ADGRL2: variants seen among roughly 807,000 people sequenced by gnomAD.
The protein encoded by ADGRL2 is calcium-independent alpha-latrotoxin receptor 2.
Under a neutral mutation model 157.4 loss-of-function variants are expected in ADGRL2, and 44 were observed. That is an observed-to-expected ratio of 0.28 (90% CI 0.22 to 0.36). The LOEUF is 0.36. Among genes scored for constraint, ADGRL2 ranks in the 10% least tolerant of loss-of-function variants. ADGRL2 has a pLI of 1.00. For synonymous variants in ADGRL2, 585 were observed against 624.7 expected (o/e 0.94, Z 0.95); for missense variants, 1,510 against 1,768.9 (o/e 0.85, Z 2.63).
intron 3 of ADGRL2, among the ~76,000 whole-genome samples, chr1:81,637,046 G>A (rs1355187948): frequency 1.3e-5 from 2 of 152,126 alleles, no homozygotes; most frequent in Non-Finnish European, 2.9e-5. Context: ...ATGTTGGCCA[G>A]TTTGATTGGT....
At position 81,631,455 on chromosome 1, in the gene ADGRL2, A is replaced by G. The variant is rs565994738; in HGVS notation, c.-143+50475A>G. Reference sequence around the variant, plus strand: ...TGGTCTGGAACTCCTGACCTCAAGTAATCCGCCTCCCAAAGTGCTGGGATT... The same window carrying G: ...TGGTCTGGAACTCCTGACCTCAAGTGATCCGCCTCCCAAAGTGCTGGGATT... On this transcript the variant is annotated intron_variant, in intron 3 of 24. Coordinates refer to the ADGRL2 transcript ENST00000370721. Among the ~76,000 whole-genome samples the G allele has an allele frequency of 5.9e-5, 9 of 151,986 alleles. No homozygotes were observed. In the South Asian group the frequency reaches 1.9e-3, roughly 32 times the overall value.
intron 3 of ADGRL2, among the ~76,000 whole-genome samples, chr1:81,930,186 A>G (rs1007156168): frequency 6.6e-6 from 1 of 152,164 alleles, no homozygotes; most frequent in African/African-American, 2.4e-5. Flanking sequence ...TCTCTTTCAC[A>G]TAGAGTTTTA....
At position 81,960,655 on chromosome 1, in the gene ADGRL2, A is replaced by G. The variant is rs539364599; in HGVS notation, c.2017+4595A>G. Among the ~76,000 whole-genome samples the G allele has an allele frequency of 5.9e-5, 9 of 151,992 alleles. 1 individual carries two copies. In the East Asian group the frequency reaches 1.4e-3, roughly 23 times the overall value. ...ATGCCCTGCTAATTTTTGTATTTTTAGTAGAGACAGAGTTTCACTATGATG... is the reference window on the plus strand; with the variant it reads ...ATGCCCTGCTAATTTTTGTATTTTTGGTAGAGACAGAGTTTCACTATGATG... On this transcript the variant is annotated intron_variant, in intron 11 of 23. Coordinates refer to ENST00000686636, the MANE Select transcript of ADGRL2 (RefSeq NM_001366006.2).
At chr1:81,708,782 T>C (rs1292223281) in intron 1 of ADGRL2, among the ~76,000 whole-genome samples, 1 of 152,090 alleles carries the variant, frequency 6.6e-6, no homozygotes, top group Admixed American at 6.6e-5. Flanking sequence ...TTTATATACT[T>C]CAGCTAAACA....
intron 1 of ADGRL2, among the ~76,000 whole-genome samples, chr1:81,311,760 G>A (rs946552467): frequency 5.3e-5 from 8 of 152,134 alleles, no homozygotes; most frequent in Non-Finnish European, 1.0e-4. Flanking sequence ...AACAAGAAAG[G>A]AAATTATTCC....
At chr1:81,309,535 A>T (rs547526316) in intron 1 of ADGRL2, among the ~76,000 whole-genome samples, 7 of 152,212 alleles carry the variant, frequency 4.6e-5, no homozygotes, top group South Asian at 4.2e-4. Context: ...TCCACCCCCC[A>T]CAAATAGCAA....
At chr1:81,397,231 T>C (rs1388293512) in intron 1 of ADGRL2, among the ~76,000 whole-genome samples, 1 of 152,016 alleles carries the variant, frequency 6.6e-6, no homozygotes, top group East Asian at 1.9e-4. Flanking sequence ...TTCCACTAGG[T>C]TCTCCAACAT....
chr1:81,952,855 C>G, intron 9 of ADGRL2, 132 bp from the exon 10 acceptor site: 1 of 677,872 alleles, frequency 1.5e-6, no homozygotes, highest in Non-Finnish European at 2.7e-6. Flanking sequence ...AGTGCAGACT[C>G]AGACTCCAGA....
chr1:81,879,476 T>C (rs1277113110), intron 2 of ADGRL2, among the ~76,000 whole-genome samples: 1 of 150,144 alleles, frequency 6.7e-6, no homozygotes, highest in Non-Finnish European at 1.5e-5. Context: ...TAAAGTGTTA[T>C]AGCTATTTGG....
intron 1 of ADGRL2, among the ~76,000 whole-genome samples, chr1:81,740,909 C>A (rs1419673467): frequency 1.3e-5 from 2 of 151,888 alleles, no homozygotes; most frequent in African/African-American, 4.8e-5. Context: ...TGTGGAAAAG[C>A]AGAGTGATGG....
At position 81,558,466 on chromosome 1, in the gene ADGRL2, A is replaced by T. The variant is rs185362722; in HGVS notation, c.-247-22410A>T. On this transcript the variant is annotated intron_variant, in intron 2 of 24. Transcript: ENST00000370721. ...CACCTTTCATAGTATGTTCTCCCTTATCTGTGGCTGAAATGTCTCACCCAC... is the reference window on the plus strand; with the variant it reads ...CACCTTTCATAGTATGTTCTCCCTTTTCTGTGGCTGAAATGTCTCACCCAC... Among the ~76,000 whole-genome samples the T allele has an allele frequency of 2.0e-5, 3 of 152,318 alleles. No individual in the cohort carries two copies. In the East Asian group the frequency reaches 5.8e-4, roughly 29 times the overall value.
chr1:81,688,168 T>C (rs1247337673), intron 3 of ADGRL2, among the ~76,000 whole-genome samples: 1 of 152,162 alleles, frequency 6.6e-6, no homozygotes, highest in African/African-American at 2.4e-5. Context: ...CTTTTCACAA[T>C]GAATTTCCCA....
chr1:81,508,340 T>C (rs1310733843), intron 2 of ADGRL2, among the ~76,000 whole-genome samples: 1 of 152,222 alleles, frequency 6.6e-6, no homozygotes, highest in Non-Finnish European at 1.5e-5. Flanking sequence ...CCTTATATTT[T>C]AGTTACCTTC....
chr1:81,448,564 T>C (rs1161989215), intron 2 of ADGRL2, among the ~76,000 whole-genome samples: 1 of 152,044 alleles, frequency 6.6e-6, no homozygotes, highest in Non-Finnish European at 1.5e-5. Context: ...TGGCCAGGTG[T>C]GGTGGCCTAC....
At chr1:81,329,660 A>T (rs1661140499) in intron 1 of ADGRL2, among the ~76,000 whole-genome samples, 8 of 152,182 alleles carry the variant, frequency 5.3e-5, no homozygotes, top group Admixed American at 5.2e-4. Flanking sequence ...GTACAATTTT[A>T]AAATAATTTG....
intron 3 of ADGRL2, among the ~76,000 whole-genome samples, chr1:81,636,335 T>A (rs1314028267): frequency 1.3e-5 from 2 of 152,210 alleles, no homozygotes; most frequent in Admixed American, 6.5e-5. Context: ...AATCATTTAC[T>A]TTTTAATAAT....
chr1:81,373,579 C>A (rs957139392), intron 1 of ADGRL2, among the ~76,000 whole-genome samples: 1 of 152,148 alleles, frequency 6.6e-6, no homozygotes, highest in Admixed American at 6.5e-5. Context: ...ATATAACTAG[C>A]ATAAAGTATC....
chr1:81,413,810 C>G (rs977344315), intron 1 of ADGRL2, among the ~76,000 whole-genome samples: 1 of 152,140 alleles, frequency 6.6e-6, no homozygotes. Context: ...TTATCTATCT[C>G]TGTATATACA....
At position 81,519,052 on chromosome 1, in the gene ADGRL2, C is replaced by T. The variant is rs1303645123; in HGVS notation, c.-247-61824C>T. Among the ~76,000 whole-genome samples the T allele has an allele frequency of 2.6e-5, 4 of 152,138 alleles. No homozygotes were observed. The East Asian group carries it at 7.7e-4, about 29-fold the overall frequency. On this transcript the variant is annotated intron_variant, in intron 2 of 24. Coordinates refer to the ADGRL2 transcript ENST00000370721. ...GGCAGGTGGGTCATTTTTATTAGGC[C>T]CATTTTACAGATGGGTGAATGGAGT...
Sources: allele counts gnomAD v4.1 joint callset (sites outside exome capture counted in the v4.1 genomes callset), GRCh38; gene constraint gnomAD v4.1.1; transcripts MANE v1.5; gene names NCBI Gene and HGNC (gene_info 2026-07-23, HGNC 2026-07-21).